The following MAST4 variants were observed in gnomAD, a reference collection of about 807,000 sequenced individuals.
The protein encoded by MAST4 is microtubule associated serine/threonine kinase family member 4, also known as microtubule-associated serine/threonine-protein kinase 4.
A neutral mutation model predicts 162.7 loss-of-function variants in MAST4; 89 were observed. The ratio of observed to expected loss-of-function variants is 0.55; its 90% CI spans 0.46 to 0.65. MAST4 has a LOEUF of 0.65. Among genes scored for constraint, MAST4 ranks in the 30% least tolerant of loss-of-function variants. MAST4 has a pLI of 0.00. For missense variants in MAST4, 3,153 were observed against 3,374.0 expected (o/e 0.93, Z 1.62); for synonymous variants, 1,479 against 1,361.1 (o/e 1.09, Z -1.91).
intron 4 of MAST4, among the ~76,000 whole-genome samples, chr5:67,018,585 G>A (rs1420068680): frequency 6.6e-6 from 1 of 152,138 alleles, no homozygotes; most frequent in Non-Finnish European, 1.5e-5. Context: ...GATTTGACTA[G>A]CAGGAAATTG....
Position 66,837,894 on chromosome 5 carries a change from A to AT in MAST4, c.642+49123dup, listed in dbSNP as rs754095073. 2.8e-3 allele frequency among the ~76,000 whole-genome samples: 149 copies of AT among 53,676 alleles called. 1 individual carries two copies. Among genetic ancestry groups the AT allele is most frequent in the Admixed American group, 4.4e-3 (17 of 3,872 alleles). The allele number at this position is 53,676 out of a possible 152,430, so 35.2% of individuals were successfully genotyped here. A position where few individuals can be genotyped will look rare whatever the true frequency, so the allele number is the denominator to read the frequency against. ...TATATATATATATATATATATATAT[A>AT]TTTTTTTTTTTTTTTTTTTTTTTAA... is the stretch of plus-strand genomic sequence containing the variant. On this transcript the variant is annotated intron_variant, in intron 3 of 28. Transcript: ENST00000403625.
chr5:66,893,306 A>G (rs1273253575), intron 3 of MAST4, among the ~76,000 whole-genome samples: 1 of 151,922 alleles, frequency 6.6e-6, no homozygotes, highest in African/African-American at 2.4e-5. Flanking sequence ...TCTGGGTTCA[A>G]GCGATTCTCC....
intron 1 of MAST4, among the ~76,000 whole-genome samples, chr5:66,680,613 T>G (rs1748265425): frequency 6.6e-6 from 1 of 152,154 alleles, no homozygotes; most frequent in Non-Finnish European, 1.5e-5. Context: ...ACAAACAAGC[T>G]GTGATTTCAC....
intron 2 of MAST4, among the ~76,000 whole-genome samples, chr5:66,769,577 A>T (rs541022249): frequency 6.6e-6 from 1 of 152,222 alleles, no homozygotes; most frequent in Non-Finnish European, 1.5e-5. Context: ...TCTTTACAGC[A>T]TGTTACTGTA....
intron 5 of MAST4, among the ~76,000 whole-genome samples, chr5:67,074,979 GTT>G (rs1364773523): frequency 6.6e-6 from 1 of 152,086 alleles, no homozygotes; most frequent in Non-Finnish European, 1.5e-5. Flanking sequence ...CAGTTAAACA[GTT>G]TTATGTGTAG....
intron 1 of MAST4, among the ~76,000 whole-genome samples, chr5:66,713,645 G>A (rs1246563279): frequency 6.6e-6 from 1 of 152,114 alleles, no homozygotes; most frequent in Non-Finnish European, 1.5e-5. Flanking sequence ...AAAGGTTTTA[G>A]TTTGTACATT....
At chr5:67,073,533 T>A (rs1457499999) in intron 5 of MAST4, among the ~76,000 whole-genome samples, 1 of 152,186 alleles carries the variant, frequency 6.6e-6, no homozygotes, top group Non-Finnish European at 1.5e-5. Context: ...GACAAATGCT[T>A]ACAGTGGTAA....
At chr5:66,817,445 C>A (rs889328186) in intron 3 of MAST4, among the ~76,000 whole-genome samples, 2 of 152,056 alleles carry the variant, frequency 1.3e-5, no homozygotes, top group African/African-American at 4.8e-5. Context: ...GTCACAAAAG[C>A]CAGCTTTAGA....
chr5:66,641,790 G>A (rs1745503124), intron 1 of MAST4, among the ~76,000 whole-genome samples: 1 of 152,134 alleles, frequency 6.6e-6, no homozygotes, highest in African/African-American at 2.4e-5. Context: ...ATAGAGGGTT[G>A]AAACACATTC....
rs375943354 is a variant in MAST4, at chr5:67,110,127, G to A, written c.1386G>A (p.Leu462=). 216 of 1,613,446 alleles carry A rather than the reference G, an allele frequency of 1.3e-4. 1 individual carries two copies. The highest frequency in any genetic ancestry group is 4.9e-4 in the Middle Eastern group (3 of 6,062). ...EAHDRSESGE[L]AFIKQLVRKI... ...ATGATCGTTCAGAAAGTGGAGAATTGGCATTTATTAAACAACTAGTTCGAA... is the reference window on the plus strand; with the variant it reads ...ATGATCGTTCAGAAAGTGGAGAATTAGCATTTATTAAACAACTAGTTCGAA... Residue 462 remains leucine, a synonymous_variant, in exon 11 of 29, where the codon TTG becomes TTA. Coordinates refer to ENST00000403625, the MANE Select transcript of MAST4 (RefSeq NM_001164664.2).
intron 1 of MAST4, among the ~76,000 whole-genome samples, chr5:66,675,416 T>G (rs1290912896): frequency 1.3e-5 from 2 of 152,168 alleles, no homozygotes; most frequent in Non-Finnish European, 2.9e-5. Context: ...GAGCCATTCA[T>G]ATCAGAGGAA....
chr5:66,893,140 A>T (rs1161888235), intron 3 of MAST4, among the ~76,000 whole-genome samples: 2 of 152,158 alleles, frequency 1.3e-5, no homozygotes, highest in African/African-American at 2.4e-5. Flanking sequence ...ATTTACATAT[A>T]AACCCAGCAA....
chr5:67,149,997 G>A (rs1006733809), intron 24 of MAST4, among the ~76,000 whole-genome samples: 14 of 152,172 alleles, frequency 9.2e-5, no homozygotes, highest in Non-Finnish European at 1.8e-4. Flanking sequence ...GGAAAGCTAA[G>A]TATATAGTTT....
rs781012736 is a variant in MAST4 at position 67,162,789 on chromosome 5, G to A, written c.3967+1G>A. ...CGCTCCACCCCTGACTTCCCATCTG[G>A]TGAGTGAGTCTCCTGGTCTAAACAG... On this transcript the variant is annotated splice_donor_variant, in intron 28 of 28. Coordinates refer to ENST00000403625, the MANE Select transcript of MAST4 (RefSeq NM_001164664.2). LOFTEE classifies it high-confidence loss of function. 6.2e-7 allele frequency: 1 copy of A among 1,613,586 alleles called. No homozygotes were observed. Among genetic ancestry groups the A allele is most frequent in the Admixed American group, 1.7e-5 (1 of 59,998 alleles).
At chr5:66,935,856 C>T (rs993587297) in intron 4 of MAST4, among the ~76,000 whole-genome samples, 13 of 151,956 alleles carry the variant, frequency 8.6e-5, no homozygotes, top group Non-Finnish European at 1.3e-4. Context: ...TTAGTAGAGA[C>T]GGGGTTTCAT....
At chr5:66,780,238 C>G (rs933733288) in intron 2 of MAST4, among the ~76,000 whole-genome samples, 3 of 152,138 alleles carry the variant, frequency 2.0e-5, no homozygotes, top group Admixed American at 1.3e-4. Context: ...TCCCCCCAGC[C>G]CCTGTAAACC....
intron 1 of MAST4, among the ~76,000 whole-genome samples, chr5:66,638,439 A>G (rs1745269814): frequency 6.6e-6 from 1 of 152,196 alleles, no homozygotes; most frequent in South Asian, 2.1e-4. Flanking sequence ...CTGTAGGGTA[A>G]GTATCCCTTA....
chr5:66,606,962 A>AAT (rs1270290897), intron 1 of MAST4, among the ~76,000 whole-genome samples: 6 of 148,196 alleles, frequency 4.0e-5, no homozygotes, highest in African/African-American at 1.3e-4. Flanking sequence ...TACTCATTTA[A>AAT]ATTAAATATT....
chr5:66,641,795 A>G (rs1471221234), intron 1 of MAST4, among the ~76,000 whole-genome samples: 1 of 152,222 alleles, frequency 6.6e-6, no homozygotes, highest in African/African-American at 2.4e-5. Context: ...GGGTTGAAAC[A>G]CATTCAGTAT....
Sources: allele counts gnomAD v4.1 joint callset (sites outside exome capture counted in the v4.1 genomes callset), GRCh38; gene constraint gnomAD v4.1.1; transcripts MANE v1.5; gene names NCBI Gene and HGNC (gene_info 2026-07-23, HGNC 2026-07-21).